ARNT2: variants seen among roughly 807,000 people sequenced by gnomAD.
ARNT2 encodes aryl hydrocarbon receptor nuclear translocator 2, also known as ARNT protein 2.
Under a neutral mutation model 91.7 loss-of-function variants are expected in ARNT2, and 36 were observed. That is an observed-to-expected ratio of 0.39 (90% CI 0.30 to 0.52). The LOEUF is 0.52. ARNT2 is among the 20% of genes least tolerant of loss of function. The pLI is 0.72. For synonymous variants in ARNT2, 365 were observed against 347.1 expected (o/e 1.05, Z -0.57); for missense variants, 775 against 939.3 (o/e 0.83, Z 2.29).
chr15:80,477,152 A>G (rs966138717), intron 5 of ARNT2, among the ~76,000 whole-genome samples: 4 of 152,234 alleles, frequency 2.6e-5, no homozygotes, highest in African/African-American at 4.8e-5. Flanking sequence ...TATCAGCATC[A>G]TGCTTTTTGT....
chr15:80,574,386 A>G (rs1455516387), intron 13 of ARNT2, among the ~76,000 whole-genome samples, 166 bp downstream of exon 13: 1 of 151,916 alleles, frequency 6.6e-6, no homozygotes, highest in Non-Finnish European at 1.5e-5. Flanking sequence ...TGCTGCTGTC[A>G]CTCCTCCCTA....
In ARNT2 at chr15:80,514,297, A is replaced by G. The variant is rs757841329; in HGVS notation, c.792-23A>G. On this transcript the variant is annotated intron_variant, in intron 7 of 18. Transcript: ENST00000303329. ...GCCTCACCCTCATGTGATGAAAACA[A>G]TTTCACAAATGTTCTTTTTTAGGAA... 5.3e-5 allele frequency: 86 copies of G among 1,612,888 alleles called. No individual in the cohort carries two copies. The East Asian group carries it at 1.8e-3, about 33-fold the overall frequency.
intron 4 of ARNT2, among the ~76,000 whole-genome samples, chr15:80,472,636 C>A (rs954344904): frequency 2.6e-4 from 39 of 152,152 alleles, no homozygotes; most frequent in African/African-American, 8.2e-4. Flanking sequence ...GTAATATGTG[C>A]CACTTGGAGG....
At chr15:80,441,168 A>C in intron 1 of ARNT2, 1 of 970,892 alleles carries the variant, frequency 1.0e-6, no homozygotes, top group Non-Finnish European at 1.2e-6. Flanking sequence ...TGCTGCAAAT[A>C]AATTGATCAG....
At chr15:80,579,618 C>A (rs981857322) in intron 15 of ARNT2, among the ~76,000 whole-genome samples, 1 of 152,130 alleles carries the variant, frequency 6.6e-6, no homozygotes, top group Non-Finnish European at 1.5e-5. Context: ...TGAGCTAGTC[C>A]CAGGGAGGCA....
intron 5 of ARNT2, among the ~76,000 whole-genome samples, chr15:80,476,867 C>G (rs1270790640): frequency 6.6e-6 from 1 of 152,026 alleles, no homozygotes; most frequent in East Asian, 1.9e-4. Flanking sequence ...GTGTCCTCAC[C>G]CAAATGTCAT....
chr15:80,516,829 A>ATATATATATATATATATATC (rs1491364855), intron 8 of ARNT2, among the ~76,000 whole-genome samples: 15 of 7,790 alleles, frequency 1.9e-3, no homozygotes, highest in African/African-American at 9.0e-3. Flanking sequence ...ACAATTACAA[A>ATATATATATATATATATATC]TATATATATA....
chr15:80,427,090 C>T (rs1238067570), intron 1 of ARNT2, among the ~76,000 whole-genome samples: 1 of 152,176 alleles, frequency 6.6e-6, no homozygotes, highest in Non-Finnish European at 1.5e-5. Flanking sequence ...GGACACGATT[C>T]AGTCCCTACC....
At chr15:80,467,539 G>T (rs140856718) in intron 3 of ARNT2, among the ~76,000 whole-genome samples, 1 of 152,228 alleles carries the variant, frequency 6.6e-6, no homozygotes, top group Non-Finnish European at 1.5e-5. Flanking sequence ...GAGGAAAGCC[G>T]GTTCTCCAGG....
intron 2 of ARNT2, among the ~76,000 whole-genome samples, chr15:80,456,172 C>T (rs1896478644): frequency 6.6e-6 from 1 of 152,176 alleles, no homozygotes; most frequent in Admixed American, 6.5e-5. Context: ...TTGTCCACAA[C>T]ATCGGCAACT....
Position 80,575,019 on chromosome 15 carries a change from T to G in ARNT2, c.1422T>G (p.His474Gln). 6.2e-7 allele frequency: 1 copy of G among 1,614,178 alleles called. No individual in the cohort carries two copies. The highest frequency in any genetic ancestry group is 1.1e-5 in the South Asian group (1 of 91,078). ...TCCCCAACCTACCAGCCGGTGTTCA[T>G]GAGGCCGGGAAGTCCGTGGAAAAGG... ...VPVPNLPAGV[H>Q]EAGKSVEKAD... Residue 474 changes from histidine to glutamine, a missense_variant, in exon 14 of 19, where the codon CAT (histidine) becomes CAG (glutamine). His to Gln is a conservative substitution (Grantham distance 24). This residue lies in a region of ARNT2 where 325 missense variants were observed against 359.9 expected (regional missense o/e 0.90). Coordinates refer to ENST00000303329, the MANE Select transcript of ARNT2 (RefSeq NM_014862.4).
intron 1 of ARNT2, among the ~76,000 whole-genome samples, chr15:80,437,445 C>T (rs1221742547): frequency 1.3e-5 from 2 of 152,206 alleles, no homozygotes; most frequent in East Asian, 1.9e-4. Context: ...TTTTACCGTG[C>T]ACATTTACTA....
At chr15:80,510,716 C>A (rs536910732) in intron 6 of ARNT2, among the ~76,000 whole-genome samples, 1 of 152,182 alleles carries the variant, frequency 6.6e-6, no homozygotes, top group Non-Finnish European at 1.5e-5. Flanking sequence ...GTAGTCCCTG[C>A]TACTCGGGAG....
intron 1 of ARNT2, among the ~76,000 whole-genome samples, chr15:80,431,839 G>A (rs117944366): frequency 0.027 from 4,165 of 152,284 alleles, 81 homozygotes; most frequent in Non-Finnish European, 0.046. Context: ...CCTGGTGGCC[G>A]AAGCCCTCTC....
chr15:80,479,321 G>A (rs368602281), intron 5 of ARNT2, among the ~76,000 whole-genome samples: 2 of 152,340 alleles, frequency 1.3e-5, no homozygotes. Flanking sequence ...GAGAGGTGGT[G>A]ACAAAGAGTG....
At chr15:80,548,286 A>G (rs1012465379) in intron 8 of ARNT2, among the ~76,000 whole-genome samples, 1 of 152,178 alleles carries the variant, frequency 6.6e-6, no homozygotes, top group African/African-American at 2.4e-5. Flanking sequence ...ACTTAATATG[A>G]TAAATGTGTG....
intron 1 of ARNT2, among the ~76,000 whole-genome samples, chr15:80,407,337 C>T (rs1018752704): frequency 2.6e-4 from 40 of 152,090 alleles, no homozygotes; most frequent in South Asian, 2.1e-4. Flanking sequence ...TGTTGGTGAC[C>T]GGTGATGTTG....
At chr15:80,497,406 G>C (rs1488786990) in intron 5 of ARNT2, among the ~76,000 whole-genome samples, 2 of 152,240 alleles carry the variant, frequency 1.3e-5, no homozygotes, top group Admixed American at 1.3e-4. Flanking sequence ...TCCTAACATG[G>C]CCCCTGGCCA....
chr15:80,574,122 C>T (rs192920201), intron 12 of ARNT2, 26 bp from the exon 13 acceptor site: 2 of 1,609,240 alleles, frequency 1.2e-6, no homozygotes, highest in East Asian at 2.2e-5. Flanking sequence ...TTCTTCATGA[C>T]CCTCTGTTGT....
Sources: gnomAD v4.1 joint callset for allele counts (sites outside exome capture counted in the v4.1 genomes callset) on GRCh38, gnomAD v4.1.1 for gene constraint, gnomAD v4.1.1 regional missense constraint, MANE v1.5 for transcripts, NCBI Gene and HGNC (gene_info 2026-07-23, HGNC 2026-07-21) for gene names.